NOTCH4: variants seen among roughly 807,000 people sequenced by gnomAD.
NOTCH4 encodes the protein notch receptor 4, also known as neurogenic locus notch homolog protein 4.
A neutral mutation model predicts 189.0 loss-of-function variants in NOTCH4; 138 were observed. That is an observed-to-expected ratio of 0.73 (90% CI 0.64 to 0.84). NOTCH4 has a LOEUF of 0.84. Ranked by LOEUF, NOTCH4 falls within the 40% of genes least tolerant of loss-of-function variation. The pLI is 0.00. For missense variants in NOTCH4, 2,286 were observed against 2,605.4 expected, an observed-to-expected ratio of 0.88 and a Z score of 2.67; for synonymous variants, 942 against 1,032.8, an observed-to-expected ratio of 0.91 and a Z score of 1.69.
In NOTCH4 at chr6:32,199,730, AATT is replaced by A. The variant is rs1054443237; in HGVS notation, c.4316-588_4316-586del. On this transcript the variant is annotated intron_variant, in intron 23 of 29. Transcript: ENST00000375023. The surrounding 1 kb of genome is among the most constrained non-coding windows in gnomAD (Gnocchi z 4.9). ...AACAAAACAAAACAAAAACAAAAAA[AATT>A]ATCAGGGCATGGTGGCATGCCATTG... Among the ~76,000 whole-genome samples, 1 of 152,116 alleles carries A rather than the reference AATT, an allele frequency of 6.6e-6. No individual in the cohort carries two copies. Among genetic ancestry groups the A allele is most frequent in the Admixed American group, 6.6e-5 (1 of 15,266 alleles).
Position 32,201,609 on chromosome 6 carries a change from G to T in NOTCH4, c.3756-109C>A. On this transcript the variant is annotated intron_variant, in intron 21 of 29. Transcript: ENST00000375023. This position sits in a 1 kb window ranked among gnomAD's most constrained non-coding sequence, Gnocchi z 5.5. ...TGCCCTCTAGGGCTTTGGTTGCTAA[G>T]TGGGGGCAGCTGTGGAGCAATGAGC... The T allele has an allele frequency of 2.7e-6, 3 of 1,119,748 alleles. No homozygotes were observed. The highest frequency in any genetic ancestry group is 3.6e-6 in the Non-Finnish European group (3 of 835,692). The allele number at this position is 1,119,748 out of a possible 1,614,324, so 69.4% of individuals were successfully genotyped here. A position where few individuals can be genotyped will look rare whatever the true frequency, so the allele number is the denominator to read the frequency against.
Position 32,210,646 on chromosome 6 carries a change from TA to T in NOTCH4, c.2865+105del. On this transcript the variant is annotated intron_variant, in intron 18 of 29. Coordinates refer to ENST00000375023, the MANE Select transcript of NOTCH4 (RefSeq NM_004557.4). This position sits in a 1 kb window ranked among gnomAD's most constrained non-coding sequence, Gnocchi z 4.8. ...GTTGGGTGTGTGGGGTTAAAAAAAA[TA>T]AAAGGAGGTGAAATGGATACATTGG... 1 of 1,126,552 alleles carries T rather than the reference TA, an allele frequency of 8.9e-7. No individual in the cohort carries two copies. Among genetic ancestry groups the T allele is most frequent in the Non-Finnish European group, 1.3e-6 (1 of 764,686 alleles). The allele number at this position is 1,126,552 out of a possible 1,614,324, so 69.8% of individuals were successfully genotyped here.
rs1789116678 is a variant in NOTCH4 at position 32,212,890 on chromosome 6, G to A, written c.2460C>T (p.Thr820=). 3.8e-6 allele frequency: 6 copies of A among 1,559,016 alleles called. No individual in the cohort carries two copies. Among genetic ancestry groups the A allele is most frequent in the Non-Finnish European group, 5.2e-6 (6 of 1,151,046 alleles). The part of the protein sequence containing the change: ...CADSPCRNRA[T]CQDSPQGPRC... ...GGGGACCCTGAGGGCTGTCCTGGCA[G>A]GTTGCCCTATTCCTACAGGGGCTGA... Residue 820 remains threonine (T), a synonymous_variant, in exon 16 of 30, where the codon ACC becomes ACT. Coordinates refer to ENST00000375023, the MANE Select transcript of NOTCH4 (RefSeq NM_004557.4). This position sits in a 1 kb window ranked among gnomAD's most constrained non-coding sequence, Gnocchi z 4.4.
rs1582762596 is a variant in NOTCH4 at position 32,195,949 on chromosome 6, C to T, written c.5500G>A (p.Gly1834Ser). ...CGCGGGAAGGGCCCAGCCTCGCGGC[C>T]CGGCGTGGCTTTGTGACGGGCCTCT... Reference protein sequence around the residue: ...PPEARHKATPGREAGPFPRAR... With the variant: ...PPEARHKATPSREAGPFPRAR... The change falls in exon 30 of 30, where the codon GGC becomes AGC. Residue 1834 changes from glycine to serine, a missense_variant. By Grantham distance (56) the Gly-to-Ser change is moderately conservative. Coordinates refer to ENST00000375023, the MANE Select transcript of NOTCH4 (RefSeq NM_004557.4). This position sits in a 1 kb window ranked among gnomAD's most constrained non-coding sequence, Gnocchi z 5.4. 1 of 1,592,892 alleles carries T rather than the reference C, an allele frequency of 6.3e-7. No homozygotes were observed. The highest frequency in any genetic ancestry group is 8.5e-7 in the Non-Finnish European group (1 of 1,176,608).
Position 32,223,887 on chromosome 6 carries a change from C to CAGT in NOTCH4, c.41_42insACT (p.Leu16dup). ...GTCTGACCACTGAGACACATAGCAG[C>CAGT]AGCAGCAGCAGCAGCAGCAGCAGCA... On this transcript the variant is annotated inframe_insertion, in exon 1 of 30. Coordinates refer to ENST00000375023, the MANE Select transcript of NOTCH4 (RefSeq NM_004557.4). The CAGT allele has an allele frequency of 9.0e-7, 1 of 1,111,724 alleles. No homozygotes were observed. The highest frequency in any genetic ancestry group is 1.2e-6 in the Non-Finnish European group (1 of 828,560). The allele number at this position is 1,111,724 out of a possible 1,614,324, so 68.9% of individuals were successfully genotyped here.
rs1788381291 is a variant in NOTCH4 at position 32,202,058 on chromosome 6, A to G, written c.3755+18T>C. ...CCCACCCCTCTCCTTCCCTGGCTCC[A>G]GTGGATTTCAGGCTCACGTGCAGGC... is the stretch of plus-strand genomic sequence containing the variant. On this transcript the variant is annotated intron_variant, in intron 21 of 29. Transcript: ENST00000375023. The surrounding 1 kb of genome is among the most constrained non-coding windows in gnomAD (Gnocchi z 5.7). 1 of 1,419,034 alleles carries G rather than the reference A, an allele frequency of 7.0e-7. No homozygotes were observed. The highest frequency in any genetic ancestry group is 2.4e-5 in the East Asian group (1 of 41,778). The allele number at this position is 1,419,034 out of a possible 1,614,324, so 87.9% of individuals were successfully genotyped here.
Position 32,212,406 on chromosome 6 carries a change from G to A in NOTCH4, c.2680+68C>T. 1 of 1,460,914 alleles carries A rather than the reference G, an allele frequency of 6.8e-7. No individual in the cohort carries two copies. Among genetic ancestry groups the A allele is most frequent in the Non-Finnish European group, 9.2e-7 (1 of 1,081,558 alleles). The allele number at this position is 1,460,914 out of a possible 1,614,324, so 90.5% of individuals were successfully genotyped here. On this transcript the variant is annotated intron_variant, in intron 17 of 29. Transcript: ENST00000375023. The surrounding 1 kb of genome is among the most constrained non-coding windows in gnomAD (Gnocchi z 4.4). ...GCCAAAAGCTGTGTGGAAGCCCACA[G>A]GAACGGGGCAGGTGAGAACACCCAT...
Position 32,223,868 on chromosome 6 carries a change from C to T in NOTCH4, c.61G>A (p.Val21Ile). ...CGCCATGCCTCACCTCTGGGTCTGA[C>T]CACTGAGACACATAGCAGCAGCAGC... ...LLLLLLCVSV[V>I]RPRGLLCGSF... The change falls in exon 1 of 30, where the codon GTC (valine) becomes ATC (isoleucine). Residue 21 changes from valine (V) to isoleucine (I), a missense_variant. This residue lies in a region of NOTCH4 where 1,903 missense variants were observed against 2,261.9 expected (regional missense o/e 0.84). Coordinates refer to ENST00000375023, the MANE Select transcript of NOTCH4 (RefSeq NM_004557.4). 2 of 1,604,558 alleles carry T rather than the reference C, an allele frequency of 1.2e-6. No homozygotes were observed. The highest frequency in any genetic ancestry group is 1.1e-5 in the South Asian group (1 of 90,468).
chr6:32,222,444 T>C (rs1422840716), intron 3 of NOTCH4, 67 bp downstream of exon 3: 1 of 1,377,794 alleles, frequency 7.3e-7, no homozygotes, highest in Non-Finnish European at 9.5e-7. Context: ...CAGTTCTATC[T>C]TCCCCACCCA....
intron 14 of NOTCH4, 105 bp downstream of exon 14, chr6:32,213,583 G>C (rs1041501391): frequency 7.5e-7 from 1 of 1,331,420 alleles, no homozygotes; most frequent in African/African-American, 1.5e-5. Context: ...ATGTTTCCCA[G>C]GCTGGTCTGT....
In NOTCH4 at chr6:32,220,865, T is replaced by C. The variant is rs520688; in HGVS notation, c.813A>G (p.Pro271=). 0.3 allele frequency: 490,066 copies of C among 1,613,312 alleles called. 77,322 individuals are homozygous for C. Among genetic ancestry groups the C allele is most frequent in the Middle Eastern group, 0.4 (2,406 of 6,054 alleles). ...LCLCPPGFIG[P]DCEVNPDNCV... ...AGTTGTCTGGATTCACCTCACAGTC[T>C]GGGCCTATGAAACCTGACAGGGTCA... Residue 271 remains proline (P), a synonymous_variant, in exon 5 of 30, where the codon CCA becomes CCG. Transcript: ENST00000375023.
Position 32,211,522 on chromosome 6 carries a change from G to A in NOTCH4, c.2681-586C>T, listed in dbSNP as rs190146119. Among the ~76,000 whole-genome samples, 1,042 of 151,512 alleles carry A rather than the reference G, an allele frequency of 6.9e-3. 14 individuals are homozygous for A. Among genetic ancestry groups the A allele is most frequent in the African/African-American group, 0.024 (983 of 41,282 alleles). ...GCAGGAGAATCACTTGAACCTAGGAGGTGAAGGTTGCAGTGAGCCGAGATC... is the reference window on the plus strand; with the variant it reads ...GCAGGAGAATCACTTGAACCTAGGAAGTGAAGGTTGCAGTGAGCCGAGATC... On this transcript the variant is annotated intron_variant, in intron 17 of 29. Transcript: ENST00000375023.
chr6:32,221,516 G>A lies in NOTCH4; in HGVS notation c.452-191C>T, dbSNP rs571990327. 2.0e-5 allele frequency among the ~76,000 whole-genome samples: 3 copies of A among 152,220 alleles called. No individual in the cohort carries two copies. In the East Asian group the frequency reaches 5.8e-4, roughly 29 times the overall value. ...TGTCATGGCTTGGGAGGGTTTATCT[G>A]GAGTGACCATATCTTCTAAAGTGAT... On this transcript the variant is annotated intron_variant, in intron 3 of 29. Coordinates refer to ENST00000375023, the MANE Select transcript of NOTCH4 (RefSeq NM_004557.4). The surrounding 1 kb of genome is among the most constrained non-coding windows in gnomAD (Gnocchi z 4.3).
In NOTCH4 at chr6:32,217,324, A is replaced by G; in HGVS notation, c.1625-58T>C. 6.3e-6 allele frequency: 7 copies of G among 1,114,734 alleles called. No individual in the cohort carries two copies. Among genetic ancestry groups the G allele is most frequent in the South Asian group, 1.3e-5 (1 of 78,224 alleles). 69.1% of individuals were successfully genotyped at this position (1,114,734 alleles called of 1,614,324 possible). Reference sequence around the variant, plus strand: ...CCAAGGTCATCGAGGGAGGCACAGCATGGCGCCTTCCCTTGCCAGGAAAGG... The same window carrying G: ...CCAAGGTCATCGAGGGAGGCACAGCGTGGCGCCTTCCCTTGCCAGGAAAGG... On this transcript the variant is annotated intron_variant, in intron 9 of 29. Coordinates refer to ENST00000375023, the MANE Select transcript of NOTCH4 (RefSeq NM_004557.4). The surrounding 1 kb of genome is among the most constrained non-coding windows in gnomAD (Gnocchi z 4.2).
intron 27 of NOTCH4, 72 bp from the exon 28 acceptor site, chr6:32,197,144 C>G (rs1034164569): frequency 6.4e-7 from 1 of 1,562,754 alleles, no homozygotes; most frequent in African/African-American, 1.4e-5. Context: ...CACTATTAAC[C>G]CCACTCGCAA....
chr6:32,219,848 A>G (rs1347325818), intron 7 of NOTCH4, 62 bp from the exon 8 acceptor site: 1 of 1,398,204 alleles, frequency 7.2e-7, no homozygotes, highest in East Asian at 2.4e-5. Flanking sequence ...AGGAGGTGAG[A>G]CTGTCAGGGA....
intron 1 of NOTCH4, 110 bp downstream of exon 1, chr6:32,223,746 C>T: frequency 9.0e-7 from 1 of 1,109,566 alleles, no homozygotes; most frequent in Non-Finnish European, 1.3e-6. Flanking sequence ...TGAGAATCTC[C>T]TCCATCCAGC....
At chr6:32,207,923 G>C (rs1788792210) in intron 18 of NOTCH4, among the ~76,000 whole-genome samples, 1 of 150,166 alleles carries the variant, frequency 6.7e-6, no homozygotes, top group African/African-American at 2.5e-5. Flanking sequence ...AGAATCGCTT[G>C]AACCCAGGAG....
At position 32,198,761 on chromosome 6, in the gene NOTCH4, C is replaced by A; in HGVS notation, c.4536-31G>T. The A allele has an allele frequency of 6.3e-7, 1 of 1,584,680 alleles. No homozygotes were observed. Among genetic ancestry groups the A allele is most frequent in the Non-Finnish European group, 8.6e-7 (1 of 1,167,230 alleles). On this transcript the variant is annotated intron_variant, in intron 24 of 29. Transcript: ENST00000375023. The surrounding 1 kb of genome is among the most constrained non-coding windows in gnomAD (Gnocchi z 5.5). ...AAGGAATGGGTGGGTAGAGGTTACA[C>A]GGAATTATGACCATCAGGGTCTCCA...
Sources: gnomAD v4.1 joint callset for allele counts (sites outside exome capture counted in the v4.1 genomes callset) on GRCh38, gnomAD v4.1.1 for gene constraint, gnomAD v4.1.1 regional missense constraint, Gnocchi (gnomAD v3.1) non-coding constraint, MANE v1.5 for transcripts, NCBI Gene and HGNC (gene_info 2026-07-23, HGNC 2026-07-21) for gene names.